FOXK2: variants seen among roughly 807,000 people sequenced by gnomAD.
FOXK2 encodes the protein forkhead box protein K2.
In FOXK2, 24 loss-of-function variants were observed where a neutral mutation model predicts 53.3. The observed-to-expected ratio is 0.45, with a 90% CI of 0.33 to 0.63. The LOEUF is 0.63. Ranked by LOEUF, FOXK2 falls within the 30% of genes least tolerant of loss-of-function variation. FOXK2 has a pLI of 0.03. For synonymous variants in FOXK2, 505 were observed against 407.1 expected, an observed-to-expected ratio of 1.24 and a Z score of -2.89; for missense variants, 952 against 910.5, an observed-to-expected ratio of 1.05 and a Z score of -0.59.
chr17:82,601,091 C>A (rs369666035), intron 8 of FOXK2: 84 of 524,770 alleles, frequency 1.6e-4, no homozygotes, highest in East Asian at 8.6e-4. Context: ...AAGGGCCCAG[C>A]CCAGGCTCCT....
rs905002598 is a variant in FOXK2, at chr17:82,586,721, G to A, written c.1577-342G>A. 2.3e-4 allele frequency among the ~76,000 whole-genome samples: 35 copies of A among 152,086 alleles called. 1 individual carries two copies. The highest frequency in any genetic ancestry group is 2.9e-5 in the Non-Finnish European group (2 of 68,016). On this transcript the variant is annotated intron_variant, in intron 7 of 8. Coordinates refer to ENST00000335255, the MANE Select transcript of FOXK2 (RefSeq NM_004514.4). ...GTTGGAGACCAGCCTGACCAACACG[G>A]AGAAACCCTGTCTCTACTAAAAATA...
Position 82,602,419 on chromosome 17 carries a change from C to T in FOXK2, c.*920C>T, listed in dbSNP as rs1271495584. 6.6e-6 allele frequency: 1 copy of T among 152,168 alleles called. No homozygotes were observed. Among genetic ancestry groups the T allele is most frequent in the Non-Finnish European group, 1.5e-5 (1 of 68,040 alleles). The allele number at this position is 152,168 out of a possible 1,614,324, so 9.4% of individuals were successfully genotyped here. A position where few individuals can be genotyped will look rare whatever the true frequency, so the allele number is the denominator to read the frequency against. On this transcript the variant is annotated 3_prime_UTR_variant, in exon 9 of 9. Coordinates refer to ENST00000335255, the MANE Select transcript of FOXK2 (RefSeq NM_004514.4). ...TTGTGTATGTTTAAAACGACAGAAC[C>T]ATTTCTACTTCATTTGGAAAAAGAT...
At position 82,563,325 on chromosome 17, in the gene FOXK2, G is replaced by A. The variant is rs758421844; in HGVS notation, c.420-29G>A. ...CCCTGCCCCGGCTGGAACAGCAAAAGGTGCTGATGGTGGGCTTTTCTTTTC... is the reference window on the plus strand; with the variant it reads ...CCCTGCCCCGGCTGGAACAGCAAAAAGTGCTGATGGTGGGCTTTTCTTTTC... On this transcript the variant is annotated intron_variant, in intron 1 of 8. Coordinates refer to ENST00000335255, the MANE Select transcript of FOXK2 (RefSeq NM_004514.4). 5 of 1,599,458 alleles carry A rather than the reference G, an allele frequency of 3.1e-6. No homozygotes were observed. The South Asian group carries it at 5.6e-5, about 18-fold the overall frequency.
intron 1 of FOXK2, among the ~76,000 whole-genome samples, chr17:82,525,649 G>C (rs1248166885): frequency 6.6e-6 from 1 of 152,164 alleles, no homozygotes; most frequent in East Asian, 1.9e-4. Flanking sequence ...CTCTTTAACA[G>C]TTGTTTATAC....
chr17:82,575,560 A>G (rs971277496), intron 4 of FOXK2, among the ~76,000 whole-genome samples: 2 of 152,208 alleles, frequency 1.3e-5, no homozygotes, highest in Non-Finnish European at 2.9e-5. Flanking sequence ...ATATTTTTAA[A>G]ATAATGCTTA....
intron 1 of FOXK2, 60 bp from the exon 2 acceptor site, chr17:82,563,293 GA>G (rs2044816797): frequency 1.3e-6 from 2 of 1,520,172 alleles, no homozygotes; most frequent in East Asian, 4.6e-5. Flanking sequence ...GACATGTGGG[GA>G]CTCTGCCCTG....
chr17:82,534,271 A>G (rs1453778046), intron 1 of FOXK2, among the ~76,000 whole-genome samples: 3 of 152,150 alleles, frequency 2.0e-5, no homozygotes, highest in Non-Finnish European at 4.4e-5. Flanking sequence ...GATGGCTGAT[A>G]TGTAGAGGGG....
rs1039516598 is a variant in FOXK2, at chr17:82,563,448, G to C, written c.514G>C (p.Val172Leu). The C allele has an allele frequency of 1.9e-6, 3 of 1,614,056 alleles. No individual in the cohort carries two copies. Among genetic ancestry groups the C allele is most frequent in the African/African-American group, 1.3e-5 (1 of 74,908 alleles). ...REKQEASESPVKAVQPHISPL... is the reference protein window; with the variant it reads ...REKQEASESPLKAVQPHISPL... The stretch of plus-strand genomic sequence containing the variant: ...GAAGCAGGAGGCGTCTGAGTCTCCA[G>C]TGAAGGCCGTACAGCCACACATCTC... The change falls in exon 2 of 9, where the codon GTG (valine) becomes CTG (leucine). Residue 172 changes from valine (V) to leucine (L), a missense_variant. Transcript: ENST00000335255.
At chr17:82,575,848 G>A (rs546674959) in intron 4 of FOXK2, among the ~76,000 whole-genome samples, 5 of 152,228 alleles carry the variant, frequency 3.3e-5, no homozygotes, top group South Asian at 4.1e-4. Context: ...ATGCAGATGC[G>A]CAAAGATTCA....
intron 4 of FOXK2, chr17:82,576,981 G>T (rs533150094): frequency 2.6e-6 from 1 of 389,566 alleles, no homozygotes; most frequent in Non-Finnish European, 4.7e-6. Context: ...CCAACACGGA[G>T]AAACTACATC....
At chr17:82,597,312 T>A (rs2045324328) in intron 8 of FOXK2, among the ~76,000 whole-genome samples, 1 of 152,208 alleles carries the variant, frequency 6.6e-6, no homozygotes, top group Admixed American at 6.5e-5. Flanking sequence ...GTGGGCCTCA[T>A]CAGGAGCATG....
intron 1 of FOXK2, among the ~76,000 whole-genome samples, chr17:82,544,426 TAC>T (rs1324477780): frequency 6.6e-6 from 1 of 152,046 alleles, no homozygotes; most frequent in East Asian, 1.9e-4. Context: ...GCTGGTACAG[TAC>T]ACACACACAC....
chr17:82,595,974 G>A, intron 8 of FOXK2: 3 of 1,190,972 alleles, frequency 2.5e-6, no homozygotes, highest in East Asian at 6.3e-5. Flanking sequence ...CGTGGATGCT[G>A]TTCCGAGTCA....
chr17:82,563,208 G>T, intron 1 of FOXK2, 146 bp from the exon 2 acceptor site: 1 of 726,296 alleles, frequency 1.4e-6, no homozygotes, highest in Non-Finnish European at 2.2e-6. Flanking sequence ...TTGTTTGTTT[G>T]GCGACTTATA....
rs1228898338 is a variant in FOXK2 at position 82,601,475 on chromosome 17, A to G, written c.1959A>G (p.Val653=). 1 of 1,608,378 alleles carries G rather than the reference A, an allele frequency of 6.2e-7. No homozygotes were observed. Among genetic ancestry groups the G allele is most frequent in the Non-Finnish European group, 8.5e-7 (1 of 1,176,786 alleles). ...ALSVDTPPAA[V]REKGVQN Reference sequence around the variant, plus strand: ...GCGTGGACACGCCACCGGCAGCCGTAAGGGAAAAGGGTGTCCAGAACTAGC... The same window carrying G: ...GCGTGGACACGCCACCGGCAGCCGTGAGGGAAAAGGGTGTCCAGAACTAGC... Residue 653 remains valine (V), a synonymous_variant, in exon 9 of 9, where the codon GTA becomes GTG. Coordinates refer to ENST00000335255, the MANE Select transcript of FOXK2 (RefSeq NM_004514.4).
chr17:82,599,405 C>G (rs1485650868), intron 8 of FOXK2: 1 of 152,382 alleles, frequency 6.6e-6, no homozygotes, highest in Non-Finnish European at 1.5e-5. Context: ...CGCACCTGGC[C>G]TCTTGTTCAT....
At chr17:82,588,383 CGGGAGGGCTGGCGAT>C (rs1437253648) in intron 8 of FOXK2, 1 of 160,074 alleles carries the variant, frequency 6.2e-6, no homozygotes, top group African/African-American at 2.4e-5. Context: ...AGATGGAAGC[CGGGAGGGCTGGCGAT>C]TGGAGGGCAG....
chr17:82,598,175 C>T (rs2045338320), intron 8 of FOXK2, among the ~76,000 whole-genome samples: 1 of 152,106 alleles, frequency 6.6e-6, no homozygotes, highest in South Asian at 2.1e-4. Flanking sequence ...AAACTTATTC[C>T]TTCTGTCTAG....
chr17:82,584,040 G>A lies in FOXK2; in HGVS notation c.1131G>A (p.Ala377=), dbSNP rs1407357586. 1.9e-6 allele frequency: 3 copies of A among 1,608,242 alleles called. No homozygotes were observed. The highest frequency in any genetic ancestry group is 2.5e-6 in the Non-Finnish European group (3 of 1,177,430). The part of the protein sequence containing the change: ...SRSAPASPNH[A]GVLSAHSSGA... The stretch of plus-strand genomic sequence containing the variant: ...GTGCCCCAGCCTCTCCCAATCACGC[G>A]GGAGTGCTGTCTGCTCACTCTAGTG... The change falls in exon 6 of 9, where the codon GCG becomes GCA. Residue 377 remains alanine, a synonymous_variant. Transcript: ENST00000335255.
Sources: allele counts gnomAD v4.1 joint callset (sites outside exome capture counted in the v4.1 genomes callset), GRCh38; gene constraint gnomAD v4.1.1; transcripts MANE v1.5; gene names NCBI Gene and HGNC (gene_info 2026-07-23, HGNC 2026-07-21).